ECPAS: variants seen among roughly 807,000 people sequenced by gnomAD.
ECPAS encodes Ecm29 proteasome adaptor and scaffold.
Under a neutral mutation model 255.1 loss-of-function variants are expected in ECPAS, and 70 were observed. The ratio of observed to expected loss-of-function variants is 0.27; its 90% CI spans 0.23 to 0.33. The LOEUF is 0.33. Among genes scored for constraint, ECPAS ranks in the 10% least tolerant of loss-of-function variants. ECPAS has a pLI of 1.00. For synonymous variants in ECPAS, 784 were observed against 775.0 expected (o/e 1.01, Z -0.19); for missense variants, 1,817 against 2,206.4 (o/e 0.82, Z 3.54).
intron 18 of ECPAS, among the ~76,000 whole-genome samples, chr9:111,415,252 T>TGTGTGA (rs1554788885): frequency 0.034 from 5,056 of 150,132 alleles, 146 homozygotes; most frequent in East Asian, 0.13. Flanking sequence ...TGTGTGTGTG[T>TGTGTGA]GAGAGAGAGA....
Position 111,391,807 on chromosome 9 carries a change from G to A in ECPAS, c.3110C>T (p.Ser1037Phe). 1 of 1,606,478 alleles carries A rather than the reference G, an allele frequency of 6.2e-7. No homozygotes were observed. Among genetic ancestry groups the A allele is most frequent in the Non-Finnish European group, 8.5e-7 (1 of 1,175,496 alleles). Reference sequence around the variant, plus strand: ...CCCTTGAAATACCACTGTCTCTCCAGAAACTTCATGTTTAACTCTAAACCA... The same window carrying A: ...CCCTTGAAATACCACTGTCTCTCCAAAAACTTCATGTTTAACTCTAAACCA... ...MTGKRVKHEV[S>F]GETVVFQGGA... is the part of the protein sequence containing the mutation. The change falls in exon 29 of 50, where the codon TCT becomes TTT. Residue 1037 changes from serine (S) to phenylalanine (F), a missense_variant. Ser to Phe is a radical substitution (Grantham distance 155). Transcript: ENST00000684092.
At chr9:111,405,294 TC>T (rs1275256687) in intron 24 of ECPAS, among the ~76,000 whole-genome samples, 2 of 149,656 alleles carry the variant, frequency 1.3e-5, no homozygotes, top group Non-Finnish European at 2.9e-5. Context: ...AACAAAGGCA[TC>T]AAGAACATAT....
intron 8 of ECPAS, among the ~76,000 whole-genome samples, chr9:111,432,204 T>A (rs2098231023): frequency 6.6e-6 from 1 of 152,262 alleles, no homozygotes; most frequent in South Asian, 2.1e-4. Context: ...TTCCTTAGGA[T>A]AAATTCCCAG....
At chr9:111,392,717 G>A in intron 28 of ECPAS, 51 bp downstream of exon 28, 1 of 1,249,530 alleles carries the variant, frequency 8.0e-7, no homozygotes, top group African/African-American at 1.5e-5. Flanking sequence ...CTCACTATGT[G>A]TAGAGACTTC....
In ECPAS at chr9:111,481,423, G is replaced by C. The variant is rs1480514977; in HGVS notation, c.-83+2693C>G. Among the ~76,000 whole-genome samples the C allele has an allele frequency of 4.6e-5, 7 of 152,138 alleles. No individual in the cohort carries two copies. The East Asian group carries it at 1.3e-3, about 29-fold the overall frequency. On this transcript the variant is annotated intron_variant, in intron 1 of 49. Transcript: ENST00000684092. Reference sequence around the variant, plus strand: ...CGGAGGGCTGAGGCATAAGAATGGCGTGAACCTGGGAGGCGGAGCTTACAG... The same window carrying C: ...CGGAGGGCTGAGGCATAAGAATGGCCTGAACCTGGGAGGCGGAGCTTACAG...
In ECPAS at chr9:111,442,327, T is replaced by C. The variant is rs201371846; in HGVS notation, c.368A>G (p.Lys123Arg). The change falls in exon 5 of 50, where the codon AAG (lysine) becomes AGG (arginine). Residue 123 changes from lysine to arginine, a missense_variant. Around this residue, in one of 4 missense-constraint regions of ECPAS, gnomAD observed 90 missense variants for 158.5 expected, o/e 0.57. Transcript: ENST00000684092. ...ATACCTATCCTGCTGTGGCTGAGGC[T>C]TCCCTTCCATGGCAGTAAGAAGCGT... The part of the protein sequence containing the change: ...APTLLTAMEG[K>R]PQPQQDSLMH... 1.2e-5 allele frequency: 20 copies of C among 1,611,568 alleles called. No individual in the cohort carries two copies. In the East Asian group the frequency reaches 4.5e-4, roughly 36 times the overall value.
In ECPAS at chr9:111,390,069, G is replaced by C. The variant is rs745429870; in HGVS notation, c.3194C>G (p.Ser1065Cys). 1 of 1,594,898 alleles carries C rather than the reference G, an allele frequency of 6.3e-7. No homozygotes were observed. Among genetic ancestry groups the C allele is most frequent in the Admixed American group, 1.7e-5 (1 of 59,132 alleles). Reference protein sequence around the residue: ...QGLSTYKELCSLASDLSQPDL... With the variant: ...QGLSTYKELCCLASDLSQPDL... ...TGGCTGGCTAAGATCACTTGCCAGA[G>C]AACAAAGTTCCTTGTAAGTAGAAAG... is the stretch of plus-strand genomic sequence containing the variant. Residue 1065 changes from serine to cysteine, a missense_variant, in exon 30 of 50, where the codon TCT becomes TGT. Ser to Cys is a moderately radical substitution (Grantham distance 112). This residue lies in a region of ECPAS where 960 missense variants were observed against 1,179.0 expected (regional missense o/e 0.81). Transcript: ENST00000684092.
chr9:111,378,014 C>T (rs949706445), intron 36 of ECPAS, among the ~76,000 whole-genome samples: 6 of 151,908 alleles, frequency 3.9e-5, no homozygotes, highest in East Asian at 1.9e-4. Context: ...GGTGTGGTGG[C>T]GCTCACCTGT....
At chr9:111,428,709 AAAT>A (rs2098225293) in intron 9 of ECPAS, among the ~76,000 whole-genome samples, 1 of 152,152 alleles carries the variant, frequency 6.6e-6, no homozygotes, top group African/African-American at 2.4e-5. Context: ...AAAACTTGAC[AAAT>A]AATAATTTCT....
At chr9:111,366,352 C>G (rs368000501) in intron 47 of ECPAS, 25 bp from the exon 48 acceptor site, 3 of 1,513,822 alleles carry the variant, frequency 2.0e-6, no homozygotes, top group South Asian at 1.2e-5. Context: ...AAGCAAGGTA[C>G]AAATGCCAAT....
chr9:111,403,183 T>G (rs969203760), intron 24 of ECPAS, among the ~76,000 whole-genome samples: 1 of 139,830 alleles, frequency 7.2e-6, no homozygotes, highest in South Asian at 2.3e-4. Flanking sequence ...CAAAACCCCA[T>G]CTCTACTGAA....
Position 111,411,111 on chromosome 9 carries a change from G to A in ECPAS, c.2246C>T (p.Ala749Val). The A allele has an allele frequency of 1.2e-6, 2 of 1,613,676 alleles. No homozygotes were observed. The highest frequency in any genetic ancestry group is 1.7e-6 in the Non-Finnish European group (2 of 1,179,788). ...SPEIQHGSLL[A>V]LGFTVGRYLA... ...ATACCTTCCCACCGTGAATCCCAAT[G>A]CAAGCAAGGATCCATGCTGTATCTC... is the stretch of plus-strand genomic sequence containing the variant. The change falls in exon 22 of 50, where the codon GCA becomes GTA. Residue 749 changes from alanine (A) to valine (V), a missense_variant. Around this residue, in one of 4 missense-constraint regions of ECPAS, gnomAD observed 194 missense variants for 152.8 expected, o/e 1.27. Coordinates refer to ENST00000684092, the MANE Select transcript of ECPAS (RefSeq NM_001364929.1).
chr9:111,407,636 T>C (rs371951125), intron 24 of ECPAS, among the ~76,000 whole-genome samples: 4 of 152,016 alleles, frequency 2.6e-5, no homozygotes, highest in South Asian at 4.1e-4. Flanking sequence ...CCTCAGCCCT[T>C]AGCCTCAATT....
Position 111,386,391 on chromosome 9 carries a change from T to C in ECPAS, c.3513A>G (p.Arg1171=), listed in dbSNP as rs775973094. ...LVKNLTSNMW[R]VRESSCLALN... is the part of the protein sequence containing the mutation. ...AAAAACGGTACCTGGATTCTCGAAC[T>C]CGCCACATATTGCTTGTAAGGTTCT... The change falls in exon 32 of 50, where the codon CGA becomes CGG. Residue 1171 remains arginine (R), a synonymous_variant. Coordinates refer to ENST00000684092, the MANE Select transcript of ECPAS (RefSeq NM_001364929.1). The C allele has an allele frequency of 3.8e-6, 6 of 1,599,134 alleles. No homozygotes were observed. The South Asian group carries it at 5.6e-5, about 15-fold the overall frequency.
chr9:111,384,319 G>A (rs559058884), intron 34 of ECPAS, among the ~76,000 whole-genome samples: 1 of 152,312 alleles, frequency 6.6e-6, no homozygotes, highest in South Asian at 2.1e-4. Context: ...CATTTAAAGA[G>A]ACCACAGTAT....
chr9:111,460,881 G>A (rs2098272305), intron 2 of ECPAS, among the ~76,000 whole-genome samples: 1 of 152,114 alleles, frequency 6.6e-6, no homozygotes, highest in Non-Finnish European at 1.5e-5. Flanking sequence ...TATAATCCAA[G>A]CACAATCCAT....
At chr9:111,407,427 A>AAAAAAAAAAAAAAAAAAAAAG in intron 24 of ECPAS, among the ~76,000 whole-genome samples, 1 of 144,836 alleles carries the variant, frequency 6.9e-6, no homozygotes, top group Non-Finnish European at 1.5e-5. Context: ...AAAAAAAAAA[A>AAAAAAAAAAAAAAAAAAAAAG]AAAAAAAAAA....
chr9:111,454,481 G>A (rs1048227122), intron 2 of ECPAS, among the ~76,000 whole-genome samples: 1 of 152,108 alleles, frequency 6.6e-6, no homozygotes. Flanking sequence ...GAGAACATGG[G>A]AATGGGAAGA....
Position 111,392,766 on chromosome 9 carries a change from A to C in ECPAS, c.3092+2T>G. 6.2e-7 allele frequency: 1 copy of C among 1,601,140 alleles called. No individual in the cohort carries two copies. The highest frequency in any genetic ancestry group is 1.1e-5 in the South Asian group (1 of 89,864). On this transcript the variant is annotated splice_donor_variant, in intron 28 of 49. Transcript: ENST00000684092. LOFTEE classifies it high-confidence loss of function. ...AATCTAAAATTTTCAAGTTCACCAT[A>C]CCTTTTGCCAGTCATAAGTGTTTCC...
Sources: allele counts gnomAD v4.1 joint callset (sites outside exome capture counted in the v4.1 genomes callset), GRCh38; gene constraint gnomAD v4.1.1; regional missense constraint gnomAD v4.1.1; transcripts MANE v1.5; gene names NCBI Gene and HGNC (gene_info 2026-07-23, HGNC 2026-07-21).